LRRC59: variants seen among roughly 807,000 people sequenced by gnomAD.
LRRC59 encodes leucine-rich repeat-containing protein 59.
LRRC59 carries 18 observed loss-of-function variants against 33.5 expected under a neutral mutation model. The ratio of observed to expected loss-of-function variants is 0.54; its 90% CI spans 0.37 to 0.80. The LOEUF is 0.80. LRRC59 is among the 30% of genes least tolerant of loss of function. The pLI, the probability that LRRC59 is intolerant of heterozygous loss-of-function variation, is 0.00. For missense variants in LRRC59, 330 were observed against 391.9 expected (o/e 0.84, Z 1.33); for synonymous variants, 138 against 160.0 (o/e 0.86, Z 1.04).
intron 4 of LRRC59, among the ~76,000 whole-genome samples, chr17:50,388,824 TC>T (rs893631772): frequency 3.9e-5 from 6 of 151,972 alleles, no homozygotes; most frequent in African/African-American, 1.5e-4. Context: ...CTACCTTAAG[TC>T]CCCCTCCATC....
rs1191304927 is a variant in LRRC59, at chr17:50,391,871, G to A, written c.429+527C>T. On this transcript the variant is annotated intron_variant, in intron 4 of 6. Coordinates refer to ENST00000225972, the MANE Select transcript of LRRC59 (RefSeq NM_018509.4). ...CCGGCTCCTTAAGAGAGGAAGTACT[G>A]CAGTAGAGAAGGCAGTCTTGTTCTG... 1.1e-4 allele frequency among the ~76,000 whole-genome samples: 16 copies of A among 152,350 alleles called. No homozygotes were observed. In the East Asian group the frequency reaches 2.9e-3, roughly 28 times the overall value.
At chr17:50,383,580 A>C (rs1247377154) in intron 6 of LRRC59, among the ~76,000 whole-genome samples, 1 of 152,104 alleles carries the variant, frequency 6.6e-6, no homozygotes, top group Non-Finnish European at 1.5e-5. Context: ...AGTACTGTCC[A>C]CTTGGGGAAA....
chr17:50,385,892 TAAAAAAAC>T (rs1913989200), intron 5 of LRRC59, among the ~76,000 whole-genome samples: 1 of 151,820 alleles, frequency 6.6e-6, no homozygotes, highest in Admixed American at 6.6e-5. Flanking sequence ...AGACTGTCTA[TAAAAAAAC>T]GAAAAAATTA....
chr17:50,382,676 C>T lies in LRRC59; in HGVS notation c.*312G>A, dbSNP rs1567819326. ...GACCATTTAGTAGAAACGAGCCTTG[C>T]CTTTACACAGCTTTATATAACAACT... On this transcript the variant is annotated 3_prime_UTR_variant, in exon 7 of 7. Coordinates refer to ENST00000225972, the MANE Select transcript of LRRC59 (RefSeq NM_018509.4). 8.3e-6 allele frequency: 3 copies of T among 359,700 alleles called. No individual in the cohort carries two copies. In the South Asian group the frequency reaches 1.1e-4, roughly 13 times the overall value. 22.3% of individuals were successfully genotyped at this position (359,700 alleles called of 1,614,324 possible).
At chr17:50,391,282 T>C (rs775957607) in intron 4 of LRRC59, among the ~76,000 whole-genome samples, 1 of 152,236 alleles carries the variant, frequency 6.6e-6, no homozygotes, top group Non-Finnish European at 1.5e-5. Context: ...GTTAACTTTG[T>C]GCTTGATTTG....
chr17:50,389,844 C>T (rs1914098665), intron 4 of LRRC59, among the ~76,000 whole-genome samples: 1 of 152,112 alleles, frequency 6.6e-6, no homozygotes, highest in Non-Finnish European at 1.5e-5. Flanking sequence ...CACCTGTAAT[C>T]CCACACTTTG....
chr17:50,391,330 A>T (rs1914138396), intron 4 of LRRC59, among the ~76,000 whole-genome samples: 1 of 152,260 alleles, frequency 6.6e-6, no homozygotes, highest in Non-Finnish European at 1.5e-5. Context: ...AGATTATATA[A>T]GAAGCCCTGA....
intron 4 of LRRC59, among the ~76,000 whole-genome samples, chr17:50,389,876 A>G (rs1750480563): frequency 6.6e-6 from 1 of 152,116 alleles, no homozygotes; most frequent in African/African-American, 2.4e-5. Flanking sequence ...TGGGCAGATC[A>G]CTGGAGCTCA....
intron 6 of LRRC59, 39 bp from the exon 7 acceptor site, chr17:50,383,274 A>G: frequency 6.5e-7 from 1 of 1,541,826 alleles, no homozygotes; most frequent in Non-Finnish European, 8.8e-7. Flanking sequence ...AAGTTCAGTC[A>G]GAGGAGACCT....
At position 50,382,224 on chromosome 17, in the gene LRRC59, C is replaced by T. The variant is rs1448190895; in HGVS notation, c.*764G>A. Reference sequence around the variant, plus strand: ...TCTCTGAGTCGTGAAATCTGTCTACCATGAAAGAGTCTATGCTTCACCTGA... The same window carrying T: ...TCTCTGAGTCGTGAAATCTGTCTACTATGAAAGAGTCTATGCTTCACCTGA... On this transcript the variant is annotated 3_prime_UTR_variant, in exon 7 of 7. Transcript: ENST00000225972. 1 of 152,230 alleles carries T rather than the reference C, an allele frequency of 6.6e-6. No homozygotes were observed. The highest frequency in any genetic ancestry group is 1.5e-5 in the Non-Finnish European group (1 of 68,048). The allele number at this position is 152,230 out of a possible 1,614,324, so 9.4% of individuals were successfully genotyped here. A position where few individuals can be genotyped will look rare whatever the true frequency, so the allele number is the denominator to read the frequency against.
In LRRC59 at chr17:50,395,369, AAAG is replaced by A. The variant is rs1342170355; in HGVS notation, c.106-384_106-382del. On this transcript the variant is annotated intron_variant, in intron 1 of 6. Coordinates refer to ENST00000225972, the MANE Select transcript of LRRC59 (RefSeq NM_018509.4). ...GAGACCCCATCTCAAAAAAAAAAAA[AAAG>A]AAAGGAAGGCAGGCAGGCAGGCAGG... Among the ~76,000 whole-genome samples the A allele has an allele frequency of 2.0e-4, 31 of 151,694 alleles. 2 individuals are homozygous for A. The highest frequency in any genetic ancestry group is 1.9e-3 in the East Asian group (10 of 5,174).
chr17:50,389,650 A>G (rs989151750), intron 4 of LRRC59, among the ~76,000 whole-genome samples: 1 of 152,208 alleles, frequency 6.6e-6, no homozygotes, highest in African/African-American at 2.4e-5. Context: ...GCACTTAACA[A>G]TTACATTTGA....
In LRRC59 at chr17:50,397,281, C is replaced by A; in HGVS notation, c.37G>T (p.Asp13Tyr). The A allele has an allele frequency of 6.2e-7, 1 of 1,610,102 alleles. No individual in the cohort carries two copies. Among genetic ancestry groups the A allele is most frequent in the Non-Finnish European group, 8.5e-7 (1 of 1,178,546 alleles). Reference protein sequence around the residue: ...KAGSKGGNLRDKLDGNELDLS... With the variant: ...KAGSKGGNLRYKLDGNELDLS... The stretch of plus-strand genomic sequence containing the variant: ...TCCAGTTCGTTGCCGTCCAGCTTGT[C>A]GCGGAGGTTCCCGCCCTTGCTACCG... Residue 13 changes from aspartate to tyrosine, a missense_variant, in exon 1 of 7, where the codon GAC becomes TAC. Coordinates refer to ENST00000225972, the MANE Select transcript of LRRC59 (RefSeq NM_018509.4).
chr17:50,391,427 G>T (rs1259887677), intron 4 of LRRC59, among the ~76,000 whole-genome samples: 1 of 152,202 alleles, frequency 6.6e-6, no homozygotes, highest in Non-Finnish European at 1.5e-5. Flanking sequence ...AGTATTTAAA[G>T]TTAAGTCTTT....
chr17:50,383,853 A>T (rs1350729178), intron 6 of LRRC59, among the ~76,000 whole-genome samples: 1 of 151,906 alleles, frequency 6.6e-6, no homozygotes, highest in Non-Finnish European at 1.5e-5. Context: ...TTGACTGATC[A>T]TCCACAATGC....
intron 4 of LRRC59, among the ~76,000 whole-genome samples, chr17:50,390,097 C>CAAAAAAAAA (rs57027679): frequency 2.3e-5 from 2 of 85,300 alleles, no homozygotes; most frequent in African/African-American, 4.4e-5. Context: ...GACTCTGTCT[C>CAAAAAAAAA]AAAAAAAAAA....
intron 4 of LRRC59, among the ~76,000 whole-genome samples, chr17:50,391,348 A>G (rs1173850605): frequency 3.3e-5 from 5 of 152,242 alleles, no homozygotes; most frequent in East Asian, 3.8e-4. Flanking sequence ...TGAGCTAATG[A>G]TAAGAAGTAT....
rs369639520 is a variant in LRRC59, at chr17:50,385,124, C to T, written c.670G>A (p.Ala224Thr). 1 of 1,613,378 alleles carries T rather than the reference C, an allele frequency of 6.2e-7. No homozygotes were observed. Among genetic ancestry groups the T allele is most frequent in the Non-Finnish European group, 8.5e-7 (1 of 1,179,846 alleles). The stretch of plus-strand genomic sequence containing the variant: ...CAACAGGCAGAAAACTTACTCGGGG[C>T]CTGATTTGCTTCCTTCTTAGGTTTC... Reference protein sequence around the residue: ...EKKPKKEANQAPKSKSGSRPR... With the variant: ...EKKPKKEANQTPKSKSGSRPR... The change falls in exon 6 of 7, where the codon GCC becomes ACC. Residue 224 changes from alanine to threonine, a missense_variant. Ala to Thr is a moderately conservative substitution (Grantham distance 58, BLOSUM62 0). Coordinates refer to ENST00000225972, the MANE Select transcript of LRRC59 (RefSeq NM_018509.4).
chr17:50,391,368 T>C (rs1914139486), intron 4 of LRRC59, among the ~76,000 whole-genome samples: 1 of 152,218 alleles, frequency 6.6e-6, no homozygotes, highest in African/African-American at 2.4e-5. Flanking sequence ...TCTTACTCTC[T>C]TACTCTCTAC....
Sources: gnomAD v4.1 joint callset for allele counts (sites outside exome capture counted in the v4.1 genomes callset) on GRCh38, gnomAD v4.1.1 for gene constraint, MANE v1.5 for transcripts, NCBI Gene and HGNC (gene_info 2026-07-23, HGNC 2026-07-21) for gene names.